Variants in ZNF616 observed in about 807,000 individuals in gnomAD.
ZNF616 encodes zinc finger protein 616.
ZNF616 carries 5 observed loss-of-function variants against 7.6 expected under a neutral mutation model. That is an observed-to-expected ratio of 0.66 (90% CI 0.34 to 1.38). The LOEUF is 1.38. Ranked by LOEUF, ZNF616 falls within the 40% of genes most tolerant of loss-of-function variation. ZNF616 has a pLI of 0.04. For synonymous variants in ZNF616, 319 were observed against 317.2 expected (o/e 1.01, Z -0.06); for missense variants, 913 against 948.3 (o/e 0.96, Z 0.49).
intron 2 of ZNF616, among the ~76,000 whole-genome samples, chr19:52,128,050 G>T (rs568721833): frequency 9.8e-4 from 149 of 152,220 alleles, no homozygotes; most frequent in Non-Finnish European, 1.4e-3. Flanking sequence ...TCCAGGTTGG[G>T]TAACTGAAAG....
In ZNF616 at chr19:52,115,534, T is replaced by A; in HGVS notation, c.1630A>T (p.Thr544Ser). 1 of 1,614,028 alleles carries A rather than the reference T, an allele frequency of 6.2e-7. No homozygotes were observed. The highest frequency in any genetic ancestry group is 1.3e-5 in the African/African-American group (1 of 74,960). ...SAFARHRRIH[T>S]GEKPYKCKEC... Reference sequence around the variant, plus strand: ...TTGCATTTGTAAGGCTTCTCTCCAGTATGAATTCTCCGATGCCTTGCAAAA... The same window carrying A: ...TTGCATTTGTAAGGCTTCTCTCCAGAATGAATTCTCCGATGCCTTGCAAAA... Residue 544 changes from threonine (T) to serine (S), a missense_variant, in exon 4 of 4, where the codon ACT (threonine) becomes TCT (serine). By Grantham distance (58) the Thr-to-Ser change is moderately conservative. Transcript: ENST00000600228.
chr19:52,125,844 T>A (rs1185937208), intron 2 of ZNF616, among the ~76,000 whole-genome samples: 1 of 152,180 alleles, frequency 6.6e-6, no homozygotes, highest in Non-Finnish European at 1.5e-5. Flanking sequence ...CGTAAACCGG[T>A]GTCTGCAATA....
chr19:52,124,176 A>G, intron 2 of ZNF616, 127 bp from the exon 3 acceptor site: 1 of 1,213,494 alleles, frequency 8.2e-7, no homozygotes, highest in South Asian at 1.6e-5. Context: ...ATCTGTGAGA[A>G]AGTTATTGGT....
chr19:52,135,599 A>C (rs2089000640), intron 1 of ZNF616, among the ~76,000 whole-genome samples: 1 of 152,064 alleles, frequency 6.6e-6, no homozygotes, highest in African/African-American at 2.4e-5. Flanking sequence ...GGACCAATGC[A>C]CCACCACTCC....
intron 1 of ZNF616, chr19:52,138,382 A>G (rs865807615): frequency 6.6e-6 from 1 of 152,192 alleles, no homozygotes; most frequent in South Asian, 2.1e-4. Flanking sequence ...CATGAGTACA[A>G]TTTAAAGAAA....
At chr19:52,126,184 C>A (rs557031924) in intron 2 of ZNF616, among the ~76,000 whole-genome samples, 1 of 152,252 alleles carries the variant, frequency 6.6e-6, no homozygotes, top group East Asian at 1.9e-4. Context: ...TGAATCTGTA[C>A]AAACCTACAT....
At chr19:52,134,114 G>C (rs1341719096) in intron 1 of ZNF616, among the ~76,000 whole-genome samples, 2 of 152,146 alleles carry the variant, frequency 1.3e-5, no homozygotes, top group Non-Finnish European at 2.9e-5. Flanking sequence ...ACCAGACCAA[G>C]CCAGAATGAA....
rs774887744 is a variant in ZNF616, at chr19:52,116,124, T to C, written c.1040A>G (p.His347Arg). Residue 347 changes from histidine to arginine, a missense_variant, in exon 4 of 4, where the codon CAT (histidine) becomes CGT (arginine). His to Arg is a conservative substitution (Grantham distance 29). Coordinates refer to ENST00000600228, the MANE Select transcript of ZNF616 (RefSeq NM_178523.5). ...SSNLTVHQVI[H>R]AGKKPYKCDV... ...ACATTTATATGGTTTCTTTCCTGCATGGATTACCTGATGTACAGTGAGGTT... is the reference window on the plus strand; with the variant it reads ...ACATTTATATGGTTTCTTTCCTGCACGGATTACCTGATGTACAGTGAGGTT... 6.2e-7 allele frequency: 1 copy of C among 1,614,206 alleles called. No homozygotes were observed. The highest frequency in any genetic ancestry group is 8.5e-7 in the Non-Finnish European group (1 of 1,180,046).
chr19:52,124,162 T>A, intron 2 of ZNF616, 113 bp from the exon 3 acceptor site: 1 of 1,365,470 alleles, frequency 7.3e-7, no homozygotes, highest in South Asian at 1.5e-5. Flanking sequence ...CATATCTATA[T>A]GGCATCTGTG....
chr19:52,116,384 T>G lies in ZNF616; in HGVS notation c.780A>C (p.Gln260His). The G allele has an allele frequency of 6.2e-7, 1 of 1,614,006 alleles. No homozygotes were observed. The highest frequency in any genetic ancestry group is 8.5e-7 in the Non-Finnish European group (1 of 1,179,988). The change falls in exon 4 of 4, where the codon CAA becomes CAC. Residue 260 changes from glutamine to histidine, a missense_variant. Transcript: ENST00000600228. ...AGGGTTTCTGTCCAGTGTGACTCCT[T>G]TGGTGTCTTACAAAATATGAATTTT... ...FRKNSYFVRH[Q>H]RSHTGQKPYI... is the part of the protein sequence containing the mutation.
intron 1 of ZNF616, among the ~76,000 whole-genome samples, chr19:52,134,440 G>T (rs1320545207): frequency 6.6e-6 from 1 of 152,170 alleles, no homozygotes; most frequent in Non-Finnish European, 1.5e-5. Flanking sequence ...ACCTTTGGCT[G>T]GGGTAGTAGG....
chr19:52,126,270 G>A (rs969396643), intron 2 of ZNF616, among the ~76,000 whole-genome samples: 1 of 152,178 alleles, frequency 6.6e-6, no homozygotes, highest in Admixed American at 6.5e-5. Context: ...GCTCACAACT[G>A]TAATCCCAGG....
rs750831116 is a variant in ZNF616, at chr19:52,116,700, T to C, written c.464A>G (p.Gln155Arg). 6.2e-7 allele frequency: 1 copy of C among 1,614,186 alleles called. No homozygotes were observed. The highest frequency in any genetic ancestry group is 2.2e-5 in the East Asian group (1 of 44,878). ...ACATTCATAAAGTCTCCCTTCAGTT[T>C]GAACTTTCTGCAGTTCAGCCAGACG... The part of the protein sequence containing the change: ...ESRLAELQKV[Q>R]TEGRLYECNE... Residue 155 changes from glutamine (Q) to arginine (R), a missense_variant, in exon 4 of 4, where the codon CAA becomes CGA. Transcript: ENST00000600228.
chr19:52,115,544 C>G lies in ZNF616; in HGVS notation c.1620G>C (p.Arg540=). The change falls in exon 4 of 4, where the codon CGG becomes CGC. Residue 540 remains arginine (R), a synonymous_variant. Transcript: ENST00000600228. The part of the protein sequence containing the change: ...FSDRSAFARH[R]RIHTGEKPYK... ...AAGGCTTCTCTCCAGTATGAATTCTCCGATGCCTTGCAAAAGCTGAACGGT... is the reference window on the plus strand; with the variant it reads ...AAGGCTTCTCTCCAGTATGAATTCTGCGATGCCTTGCAAAAGCTGAACGGT... 1 of 1,613,914 alleles carries G rather than the reference C, an allele frequency of 6.2e-7. No homozygotes were observed. Among genetic ancestry groups the G allele is most frequent in the Non-Finnish European group, 8.5e-7 (1 of 1,179,978 alleles).
chr19:52,137,254 T>A (rs1366657098), intron 1 of ZNF616, among the ~76,000 whole-genome samples: 1 of 146,424 alleles, frequency 6.8e-6, no homozygotes, highest in African/African-American at 2.5e-5. Context: ...CCGTCTGTAC[T>A]AAAAAAAAAA....
At chr19:52,134,366 A>C (rs1473719615) in intron 1 of ZNF616, among the ~76,000 whole-genome samples, 1 of 152,222 alleles carries the variant, frequency 6.6e-6, no homozygotes. Context: ...TTTGTCCTTC[A>C]ACAATAAGAA....
Position 52,115,954 on chromosome 19 carries a change from T to C in ZNF616, c.1210A>G (p.Thr404Ala). The C allele has an allele frequency of 6.2e-7, 1 of 1,614,202 alleles. No individual in the cohort carries two copies. The highest frequency in any genetic ancestry group is 8.5e-7 in the Non-Finnish European group (1 of 1,180,028). Residue 404 changes from threonine to alanine, a missense_variant, in exon 4 of 4, where the codon ACT becomes GCT. Transcript: ENST00000600228. ...SSLAVHRRIH[T>A]VEKPCKCNEC... ...TTGCATTTGCAAGGTTTCTCTACAG[T>C]GTGAATTCGTCGATGCACTGCAAGA...
chr19:52,119,433 C>T (rs2088850089), intron 3 of ZNF616, among the ~76,000 whole-genome samples: 3 of 151,576 alleles, frequency 2.0e-5, no homozygotes, highest in Admixed American at 2.0e-4. Context: ...TACGGTCATC[C>T]CTTACAGAGT....
chr19:52,126,311 T>G (rs1374741055), intron 2 of ZNF616, among the ~76,000 whole-genome samples: 1 of 152,166 alleles, frequency 6.6e-6, no homozygotes, highest in Non-Finnish European at 1.5e-5. Flanking sequence ...GAAGATCACT[T>G]CAGAGCAGGA....
Sources: allele counts gnomAD v4.1 joint callset (sites outside exome capture counted in the v4.1 genomes callset), GRCh38; gene constraint gnomAD v4.1.1; transcripts MANE v1.5; gene names NCBI Gene and HGNC (gene_info 2026-07-23, HGNC 2026-07-21).